MBNL2: variants seen among roughly 807,000 people sequenced by gnomAD.
MBNL2 encodes the protein muscleblind-like protein 2.
Under a neutral mutation model 41.9 loss-of-function variants are expected in MBNL2, and 17 were observed. The observed-to-expected ratio is 0.41, with a 90% CI of 0.28 to 0.61. MBNL2 has a LOEUF of 0.61. Among genes scored for constraint, MBNL2 ranks in the 20% least tolerant of loss-of-function variants. The pLI is 0.35. For synonymous variants in MBNL2, 195 were observed against 182.9 expected (o/e 1.07, Z -0.53); for missense variants, 336 against 505.6 (o/e 0.66, Z 3.22).
the MBNL2 span, among the ~76,000 whole-genome samples, chr13:97,148,234 T>C: frequency 6.6e-6 from 1 of 152,212 alleles, no homozygotes. Flanking sequence ...TTAGCAAATG[T>C]TCTGCCTAAA....
intron 2 of MBNL2, among the ~76,000 whole-genome samples, chr13:97,314,590 T>C (rs2058877533): frequency 6.6e-6 from 1 of 152,188 alleles, no homozygotes; most frequent in Non-Finnish European, 1.5e-5. Flanking sequence ...TATTTATCAC[T>C]CAATCATGCA....
intron 1 of MBNL2, among the ~76,000 whole-genome samples, chr13:97,273,620 T>G (rs1278130570): frequency 6.6e-6 from 1 of 152,226 alleles, no homozygotes; most frequent in African/African-American, 2.4e-5. Flanking sequence ...TTTATTAAAA[T>G]GTAAAAGAAT....
intron 8 of MBNL2, among the ~76,000 whole-genome samples, chr13:97,385,711 A>T (rs1052088367): frequency 6.6e-6 from 1 of 152,222 alleles, no homozygotes; most frequent in Non-Finnish European, 1.5e-5. Context: ...ATACATACGT[A>T]CAATTCCTGG....
At chr13:97,201,114 CT>C in the MBNL2 span, among the ~76,000 whole-genome samples, 1 of 152,118 alleles carries the variant, frequency 6.6e-6, no homozygotes, top group African/African-American at 2.4e-5. Context: ...GCCACTTCTT[CT>C]TTGGAGCCCT....
At chr13:97,176,831 G>A in the MBNL2 span, among the ~76,000 whole-genome samples, 6 of 151,776 alleles carry the variant, frequency 4.0e-5, no homozygotes, top group Non-Finnish European at 7.4e-5. Context: ...CCCCTACATC[G>A]ACCTACTTTG....
chr13:97,266,877 G>A (rs1209906986), intron 1 of MBNL2, among the ~76,000 whole-genome samples: 3 of 152,186 alleles, frequency 2.0e-5, no homozygotes, highest in African/African-American at 7.2e-5. Flanking sequence ...TGGATAATGA[G>A]TTCTTGACTG....
intron 2 of MBNL2, among the ~76,000 whole-genome samples, chr13:97,316,589 A>T (rs1042008151): frequency 6.6e-6 from 1 of 152,172 alleles, no homozygotes; most frequent in Non-Finnish European, 1.5e-5. Context: ...TGCACCAGGC[A>T]TGCGTCCTCC....
In MBNL2 at chr13:97,366,746, G is replaced by GT; in HGVS notation, c.1048+1576dup. 1 of 656,352 alleles carries GT rather than the reference G, an allele frequency of 1.5e-6. No homozygotes were observed. Among genetic ancestry groups the GT allele is most frequent in the South Asian group, 1.7e-5 (1 of 60,288 alleles). The allele number at this position is 656,352 out of a possible 1,614,324, so 40.7% of individuals were successfully genotyped here. On this transcript the variant is annotated intron_variant, in intron 8 of 8. Coordinates refer to ENST00000679496, the MANE Select transcript of MBNL2 (RefSeq NM_001382683.1). This position sits in a 1 kb window ranked among gnomAD's most constrained non-coding sequence, Gnocchi z 4.7. ...GTTAACATTTACTGCAAATAATGAT[G>GT]TAGCTATGTTTTGTGTTGCACTGTT...
chr13:97,199,907 G>C, the MBNL2 span, among the ~76,000 whole-genome samples: 5 of 152,238 alleles, frequency 3.3e-5, no homozygotes, highest in African/African-American at 1.2e-4. Flanking sequence ...CCCTGCAATT[G>C]TGGAAGCCAG....
chr13:97,253,781 T>C (rs1175509219), intron 1 of MBNL2, among the ~76,000 whole-genome samples: 1 of 152,122 alleles, frequency 6.6e-6, no homozygotes, highest in Non-Finnish European at 1.5e-5. Flanking sequence ...TTAATACGTA[T>C]TAATAAGTTC....
At chr13:97,254,666 T>C (rs1421411684) in intron 1 of MBNL2, among the ~76,000 whole-genome samples, 1 of 152,168 alleles carries the variant, frequency 6.6e-6, no homozygotes, top group Non-Finnish European at 1.5e-5. Context: ...ATAGGGATCG[T>C]AGGGATATGA....
chr13:97,283,015 C>T (rs1030507147), intron 2 of MBNL2, among the ~76,000 whole-genome samples: 1 of 152,196 alleles, frequency 6.6e-6, no homozygotes, highest in African/African-American at 2.4e-5. Context: ...CCTTTTATGT[C>T]GTTCACCATT....
the MBNL2 span, among the ~76,000 whole-genome samples, chr13:97,182,972 A>G: frequency 1.3e-5 from 2 of 152,180 alleles, no homozygotes; most frequent in Non-Finnish European, 2.9e-5. Flanking sequence ...TAAATTCAAG[A>G]TTTTTACAAT....
At chr13:97,218,440 C>CAAAACAA (rs55815508), upstream of MBNL2, among the ~76,000 whole-genome samples, 2 of 117,966 alleles carry the variant, frequency 1.7e-5, no homozygotes, top group Non-Finnish European at 3.4e-5. Flanking sequence ...CAAAACAAAA[C>CAAAACAA]AAAAAAAAAA....
rs558549386 is a variant in MBNL2, at chr13:97,246,974, TG to T, written c.-605+24444del. On this transcript the variant is annotated intron_variant, in intron 1 of 8. Transcript: ENST00000679496. ...AAAGGTAATCTTGGGAAGAAAGTGT[TG>T]AGTAGCCTAAATAATGAAACTAGTA... 4.3e-3 allele frequency among the ~76,000 whole-genome samples: 662 copies of T among 152,308 alleles called. 7 individuals carry two copies. The highest frequency in any genetic ancestry group is 5.9e-3 in the Admixed American group (90 of 15,296).
intron 2 of MBNL2, among the ~76,000 whole-genome samples, chr13:97,284,429 A>G (rs950228093): frequency 1.3e-5 from 2 of 152,106 alleles, no homozygotes; most frequent in Non-Finnish European, 2.9e-5. Flanking sequence ...CTCCCTTCAC[A>G]TCATCTTCCT....
chr13:97,215,444 T>C, the MBNL2 span, among the ~76,000 whole-genome samples: 1 of 152,234 alleles, frequency 6.6e-6, no homozygotes, highest in Admixed American at 6.5e-5. Flanking sequence ...TCACACTTTG[T>C]TCCTTTTGAT....
At chr13:97,352,260 A>G (rs2062568110) in intron 5 of MBNL2, among the ~76,000 whole-genome samples, 1 of 152,206 alleles carries the variant, frequency 6.6e-6, no homozygotes, top group African/African-American at 2.4e-5. Context: ...ACCTTGGCAC[A>G]GGAAGCCTAG....
At chr13:97,306,049 G>A (rs1315115359) in intron 2 of MBNL2, among the ~76,000 whole-genome samples, 1 of 152,200 alleles carries the variant, frequency 6.6e-6, no homozygotes, top group Non-Finnish European at 1.5e-5. Flanking sequence ...AGCTTCCACT[G>A]CTAGTCTGCA....
Sources: gnomAD v4.1 joint callset for allele counts (sites outside exome capture counted in the v4.1 genomes callset) on GRCh38, gnomAD v4.1.1 for gene constraint, Gnocchi (gnomAD v3.1) non-coding constraint, MANE v1.5 for transcripts, NCBI Gene and HGNC (gene_info 2026-07-23, HGNC 2026-07-21) for gene names.